The following LIPC variants were observed in gnomAD, a reference collection of about 807,000 sequenced individuals.
LIPC encodes the protein lipase C, hepatic type.
Under a neutral mutation model 50.7 loss-of-function variants are expected in LIPC, and 44 were observed. The observed-to-expected ratio is 0.87, with a 90% confidence interval of 0.68 to 1.11. LIPC has a LOEUF of 1.11. LIPC is among the 50% of genes most tolerant of loss of function. The pLI, the probability that LIPC is intolerant of heterozygous loss-of-function variation, is 0.00. For synonymous variants in LIPC, 271 were observed against 256.4 expected, an observed-to-expected ratio of 1.06 and a Z score of -0.54; for missense variants, 697 against 648.2, an observed-to-expected ratio of 1.08 and a Z score of -0.82.
Position 58,538,334 on chromosome 15 carries a change from G to T in LIPC, c.90G>T (p.Glu30Asp). Residue 30 changes from glutamate (E) to aspartate (D), a missense_variant and splice_region_variant, in exon 2 of 9, where the codon GAG becomes GAT. Glu to Asp is a conservative substitution (Grantham distance 45, BLOSUM62 2). Transcript: ENST00000299022. ...SSALGQSLKPEPFGRRAQAVE... is the reference protein window; with the variant it reads ...SSALGQSLKPDPFGRRAQAVE... The stretch of plus-strand genomic sequence containing the variant: ...ACCGTCCCCAATCTTATATTGCAGA[G>T]CCATTTGGAAGAAGAGCTCAAGCTG... 2 of 1,614,166 alleles carry T rather than the reference G, an allele frequency of 1.2e-6. No individual in the cohort carries two copies. Among genetic ancestry groups the T allele is most frequent in the Non-Finnish European group, 1.7e-6 (2 of 1,179,998 alleles).
chr15:58,544,091 G>A (rs1024490987), intron 4 of LIPC, among the ~76,000 whole-genome samples: 1 of 152,166 alleles, frequency 6.6e-6, no homozygotes, highest in Non-Finnish European at 1.5e-5. Context: ...TGGTCACTGG[G>A]GAAGCCTGGT....
chr15:58,541,580 G>A (rs1379383452), intron 2 of LIPC, among the ~76,000 whole-genome samples: 5 of 152,112 alleles, frequency 3.3e-5, no homozygotes, highest in Non-Finnish European at 7.4e-5. Context: ...TCTAGTTGGT[G>A]AAGGCCAGGA....
At chr15:58,481,091 C>G (rs907415850) in intron 1 of LIPC, among the ~76,000 whole-genome samples, 1 of 152,194 alleles carries the variant, frequency 6.6e-6, no homozygotes, top group South Asian at 2.1e-4. Context: ...AGCCCTACAG[C>G]CCTCCATGGG....
chr15:58,539,431 T>A (rs573133463), intron 2 of LIPC, among the ~76,000 whole-genome samples: 13 of 152,216 alleles, frequency 8.5e-5, no homozygotes, highest in Admixed American at 7.8e-4. Context: ...TCTATTACTA[T>A]GGAAGAAGGA....
chr15:58,488,884 G>T (rs1332979601), intron 1 of LIPC, among the ~76,000 whole-genome samples: 1 of 152,158 alleles, frequency 6.6e-6, no homozygotes, highest in Non-Finnish European at 1.5e-5. Flanking sequence ...GAGAAAAACA[G>T]GATTTGGGAG....
chr15:58,547,002 C>T (rs1893554396), intron 5 of LIPC, among the ~76,000 whole-genome samples: 1 of 151,782 alleles, frequency 6.6e-6, no homozygotes, highest in Non-Finnish European at 1.5e-5. Context: ...ACCATCCAGC[C>T]CTCATCCCAA....
intron 1 of LIPC, among the ~76,000 whole-genome samples, chr15:58,459,005 T>A (rs1478403675): frequency 6.6e-6 from 1 of 152,224 alleles, no homozygotes; most frequent in East Asian, 1.9e-4. Flanking sequence ...AAAAAGGTGC[T>A]AGGTCATAGA....
At chr15:58,441,573 T>C (rs756330963) in intron 1 of LIPC, among the ~76,000 whole-genome samples, 90 of 152,272 alleles carry the variant, frequency 5.9e-4, no homozygotes, top group Middle Eastern at 3.4e-3. Context: ...CAATTGCAAG[T>C]CAGTTTCTGT....
At chr15:58,542,072 C>T (rs1165954607) in intron 3 of LIPC, 105 bp downstream of exon 3, 3 of 1,256,182 alleles carry the variant, frequency 2.4e-6, no homozygotes, top group Middle Eastern at 1.8e-4. Context: ...GCAGGAGAAG[C>T]ACTAATGCTC....
At chr15:58,491,130 G>A (rs1891572354) in intron 1 of LIPC, among the ~76,000 whole-genome samples, 1 of 152,168 alleles carries the variant, frequency 6.6e-6, no homozygotes, top group Non-Finnish European at 1.5e-5. Flanking sequence ...TGACAGCCAG[G>A]CCGCAAGAGG....
At chr15:58,552,564 C>A (rs1893804158) in intron 6 of LIPC, among the ~76,000 whole-genome samples, 1 of 152,236 alleles carries the variant, frequency 6.6e-6, no homozygotes, top group Non-Finnish European at 1.5e-5. Context: ...CGGCCCTGCA[C>A]TCCAGGCTCC....
At chr15:58,487,117 T>A (rs1463407892) in intron 1 of LIPC, among the ~76,000 whole-genome samples, 1 of 152,196 alleles carries the variant, frequency 6.6e-6, no homozygotes, top group Non-Finnish European at 1.5e-5. Context: ...GGTAATCAAC[T>A]GGGAAAAACA....
chr15:58,469,656 G>A (rs1309464437), intron 1 of LIPC, among the ~76,000 whole-genome samples: 5 of 152,192 alleles, frequency 3.3e-5, no homozygotes, highest in African/African-American at 9.6e-5. Flanking sequence ...GCCTGCCCTC[G>A]GGAGGACTGG....
At chr15:58,503,505 G>C (rs113515989) in intron 1 of LIPC, among the ~76,000 whole-genome samples, 2,830 of 152,236 alleles carry the variant, frequency 0.019, 95 homozygotes, top group African/African-American at 0.065. Flanking sequence ...GGTCTGCATG[G>C]GGCAGCACCT....
At chr15:58,457,688 C>T (rs1894183915) in intron 1 of LIPC, among the ~76,000 whole-genome samples, 1 of 152,226 alleles carries the variant, frequency 6.6e-6, no homozygotes, top group Non-Finnish European at 1.5e-5. Flanking sequence ...TGTTTATTCT[C>T]CCTAAACCAG....
chr15:58,481,658 A>T (rs1284001730), intron 1 of LIPC, among the ~76,000 whole-genome samples: 1 of 152,114 alleles, frequency 6.6e-6, no homozygotes, highest in Non-Finnish European at 1.5e-5. Context: ...TATAAAAATT[A>T]GCCAGGCCTG....
intron 2 of LIPC, among the ~76,000 whole-genome samples, chr15:58,540,613 G>C (rs1893287320): frequency 6.6e-6 from 1 of 152,134 alleles, no homozygotes; most frequent in African/African-American, 2.4e-5. Context: ...GAGCTCTCCA[G>C]CTTCACCCGC....
intron 1 of LIPC, among the ~76,000 whole-genome samples, chr15:58,481,779 G>A (rs1206146739): frequency 2.0e-5 from 3 of 152,224 alleles, no homozygotes; most frequent in African/African-American, 7.2e-5. Context: ...AGCCTGGCCA[G>A]CAGAGCGAGA....
At chr15:58,545,130 G>A (rs1893476713) in intron 4 of LIPC, among the ~76,000 whole-genome samples, 1 of 152,200 alleles carries the variant, frequency 6.6e-6, no homozygotes, top group Admixed American at 6.5e-5. Context: ...TACTTATAAT[G>A]AGCATATTGG....
Sources: allele counts gnomAD v4.1 joint callset (sites outside exome capture counted in the v4.1 genomes callset), GRCh38; gene constraint gnomAD v4.1.1; transcripts MANE v1.5; gene names NCBI Gene and HGNC (gene_info 2026-07-23, HGNC 2026-07-21).